Variants in MARCHF1 observed in about 807,000 individuals in gnomAD.
MARCHF1 encodes membrane associated ring-CH-type finger 1.
MARCHF1 carries 40 observed loss-of-function variants against 54.2 expected under a neutral mutation model. That is an observed-to-expected ratio of 0.74 (90% CI 0.57 to 0.96). The LOEUF (loss-of-function observed/expected upper bound fraction) is 0.96, where lower values mean the gene tolerates loss of function less well. Ranked by LOEUF, MARCHF1 falls within the 40% of genes least tolerant of loss-of-function variation. The pLI is 0.00. For synonymous variants in MARCHF1, 236 were observed against 236.3 expected (o/e 1.00, Z 0.01); for missense variants, 586 against 656.5 (o/e 0.89, Z 1.17).
At chr4:164,236,040 T>C (rs1732543332) in intron 1 of MARCHF1, among the ~76,000 whole-genome samples, 1 of 152,102 alleles carries the variant, frequency 6.6e-6, no homozygotes, top group African/African-American at 2.4e-5. Context: ...TAGGAAGCAA[T>C]ACTCTCAATA....
intron 7 of MARCHF1, among the ~76,000 whole-genome samples, chr4:163,589,528 A>G (rs1276537786): frequency 1.3e-5 from 2 of 152,106 alleles, no homozygotes; most frequent in Admixed American, 1.3e-4. Flanking sequence ...AGATTGTTCT[A>G]AATAAATTTA....
chr4:163,733,211 A>ATATACACATGTG (rs1745917344), intron 4 of MARCHF1, among the ~76,000 whole-genome samples: 1 of 42,144 alleles, frequency 2.4e-5, no homozygotes, highest in Admixed American at 2.6e-4. Flanking sequence ...ATATATATAT[A>ATATACACATGTG]TATATATATA....
chr4:164,304,319 CA>C (rs1295505631), intron 1 of MARCHF1, among the ~76,000 whole-genome samples: 3 of 152,178 alleles, frequency 2.0e-5, no homozygotes, highest in African/African-American at 7.2e-5. Context: ...AGAGGCAAAT[CA>C]ATCCAATAAT....
intron 4 of MARCHF1, among the ~76,000 whole-genome samples, chr4:163,825,861 C>A (rs1321081157): frequency 1.3e-5 from 2 of 151,846 alleles, no homozygotes; most frequent in East Asian, 3.9e-4. Flanking sequence ...TTCACCTCTC[C>A]CTATATGAAA....
chr4:163,534,976 ATACT>A (rs1243814016), intron 9 of MARCHF1, among the ~76,000 whole-genome samples: 1 of 152,042 alleles, frequency 6.6e-6, no homozygotes, highest in African/African-American at 2.4e-5. Flanking sequence ...GAATTGCTTT[ATACT>A]TATTTATAAA....
chr4:163,527,484 C>CA lies in MARCHF1; in HGVS notation c.*1263dup, dbSNP rs1738155655. 1 of 150,574 alleles carries CA rather than the reference C, an allele frequency of 6.6e-6. No individual in the cohort carries two copies. The highest frequency in any genetic ancestry group is 6.7e-5 in the Admixed American group (1 of 14,902). 9.3% of individuals were successfully genotyped at this position (150,574 alleles called of 1,614,324 possible). A position where few individuals can be genotyped will look rare whatever the true frequency, so the allele number is the denominator to read the frequency against. ...CCCTATTGTAAGTACTTCATAGTAA[C>CA]AATTTATTTATTTCACAACTCTGCT... On this transcript the variant is annotated 3_prime_UTR_variant, in exon 10 of 10. Transcript: ENST00000514618.
chr4:163,824,317 G>T (rs12510735), intron 4 of MARCHF1, among the ~76,000 whole-genome samples: 121,496 of 151,112 alleles, frequency 0.8, 49,523 homozygotes, highest in South Asian at 0.9. Flanking sequence ...ACAGAACAGA[G>T]CCCTCAGAAA....
rs191762073 is a variant in MARCHF1 at position 164,293,683 on chromosome 4, G to A, written c.-323+90187C>T. On this transcript the variant is annotated intron_variant, in intron 1 of 9. Coordinates refer to ENST00000514618, the MANE Select transcript of MARCHF1 (RefSeq NM_001394959.1). ...TTCTGATTAAGAATCGCAATAGCTA[G>A]TATATACACTTAAAATTGCTAGCAC... Among the ~76,000 whole-genome samples the A allele has an allele frequency of 1.6e-3, 239 of 152,324 alleles. 2 individuals carry two copies. The highest frequency in any genetic ancestry group is 5.4e-3 in the African/African-American group (223 of 41,574).
chr4:163,670,900 CA>C (rs1283794422), intron 5 of MARCHF1, among the ~76,000 whole-genome samples: 1 of 152,150 alleles, frequency 6.6e-6, no homozygotes, highest in Non-Finnish European at 1.5e-5. Flanking sequence ...TAGTGCCTAG[CA>C]ATGGTGAATT....
chr4:163,692,587 C>CAG (rs1744498683), intron 5 of MARCHF1, among the ~76,000 whole-genome samples: 2 of 143,136 alleles, frequency 1.4e-5, no homozygotes, highest in African/African-American at 2.6e-5. Context: ...ATTATGGCTC[C>CAG]TTGGCCCCTG....
Position 164,276,705 on chromosome 4 carries a change from C to T in MARCHF1, c.-323+107165G>A, listed in dbSNP as rs543874854. On this transcript the variant is annotated intron_variant, in intron 1 of 9. Coordinates refer to ENST00000514618, the MANE Select transcript of MARCHF1 (RefSeq NM_001394959.1). Reference sequence around the variant, plus strand: ...TTATGGTTTTTCAAATGAAAAAGTTCATACATTGAAAAATTTTAGATAAAT... The same window carrying T: ...TTATGGTTTTTCAAATGAAAAAGTTTATACATTGAAAAATTTTAGATAAAT... Among the ~76,000 whole-genome samples, 6 of 150,712 alleles carry T rather than the reference C, an allele frequency of 4.0e-5. No homozygotes were observed. In the East Asian group the frequency reaches 1.2e-3, roughly 29 times the overall value.
At chr4:163,786,397 A>G (rs1267473303) in intron 4 of MARCHF1, among the ~76,000 whole-genome samples, 3 of 152,054 alleles carry the variant, frequency 2.0e-5, no homozygotes, top group Non-Finnish European at 4.4e-5. Context: ...AACTGGTAAG[A>G]GAAAACAAAT....
At chr4:163,835,079 T>C (rs914578677) in intron 4 of MARCHF1, among the ~76,000 whole-genome samples, 3 of 152,110 alleles carry the variant, frequency 2.0e-5, no homozygotes, top group Non-Finnish European at 4.4e-5. Flanking sequence ...GATGGAGTCT[T>C]GCTGTGTTGT....
intron 1 of MARCHF1, among the ~76,000 whole-genome samples, chr4:164,200,759 A>G (rs776899979): frequency 6.6e-6 from 1 of 152,250 alleles, no homozygotes; most frequent in Non-Finnish European, 1.5e-5. Context: ...ATCAAAGTAG[A>G]TAATTTCAGA....
In MARCHF1 at chr4:163,986,486, C is replaced by T. The variant is rs549991907; in HGVS notation, c.-39+2015G>A. On this transcript the variant is annotated intron_variant, in intron 3 of 9. Coordinates refer to ENST00000514618, the MANE Select transcript of MARCHF1 (RefSeq NM_001394959.1). ...TCACCGAGTTAGACCAGGATGGTCT[C>T]GATCTCCTGACCTTGTGATCCGCCC... Among the ~76,000 whole-genome samples, 329 of 151,746 alleles carry T rather than the reference C, an allele frequency of 2.2e-3. 1 individual carries two copies. The highest frequency in any genetic ancestry group is 7.6e-3 in the African/African-American group (315 of 41,422).
chr4:164,320,584 C>A (rs1356126102), intron 1 of MARCHF1, among the ~76,000 whole-genome samples: 6 of 152,078 alleles, frequency 3.9e-5, no homozygotes, highest in Admixed American at 3.9e-4. Context: ...GAATGTATAG[C>A]CTTTGCCATC....
intron 5 of MARCHF1, among the ~76,000 whole-genome samples, chr4:163,632,618 T>G (rs912868262): frequency 1.3e-5 from 2 of 152,152 alleles, no homozygotes; most frequent in African/African-American, 4.8e-5. Flanking sequence ...TCTCGCTGAT[T>G]GTTAGCACAG....
chr4:164,282,777 C>A (rs1409535374), intron 1 of MARCHF1, among the ~76,000 whole-genome samples: 1 of 151,210 alleles, frequency 6.6e-6, no homozygotes, highest in Non-Finnish European at 1.5e-5. Context: ...ACAGGCTCTG[C>A]CTGTCCATCT....
At chr4:163,621,097 T>A (rs116385682) in intron 5 of MARCHF1, among the ~76,000 whole-genome samples, 1 of 152,158 alleles carries the variant, frequency 6.6e-6, no homozygotes, top group Non-Finnish European at 1.5e-5. Flanking sequence ...GATAATAACA[T>A]GAAATCATTG....
Sources: allele counts gnomAD v4.1 joint callset (sites outside exome capture counted in the v4.1 genomes callset), GRCh38; gene constraint gnomAD v4.1.1; transcripts MANE v1.5; gene names NCBI Gene and HGNC (gene_info 2026-07-23, HGNC 2026-07-21).